The following LHFPL6 variants were observed in gnomAD, a reference collection of about 807,000 sequenced individuals.
The protein encoded by LHFPL6 is LHFPL tetraspan subfamily member 6, also known as LHFPL tetraspan subfamily member 6 protein.
LHFPL6 carries 9 observed loss-of-function variants against 20.6 expected under a neutral mutation model. That is an observed-to-expected ratio of 0.44 (90% CI 0.26 to 0.76). The LOEUF (loss-of-function observed/expected upper bound fraction) is 0.76. Ranked by LOEUF, LHFPL6 falls within the 30% of genes least tolerant of loss-of-function variation. The pLI is 0.20. For missense variants in LHFPL6, 218 were observed against 253.5 expected, an observed-to-expected ratio of 0.86 and a Z score of 0.95; for synonymous variants, 105 against 98.7, an observed-to-expected ratio of 1.06 and a Z score of -0.38.
intron 2 of LHFPL6, among the ~76,000 whole-genome samples, chr13:39,475,557 G>A (rs111931787): frequency 4.3e-4 from 65 of 152,188 alleles, no homozygotes; most frequent in African/African-American, 1.4e-3. Context: ...GGATGCTGTG[G>A]TAGCAGCACA....
intron 2 of LHFPL6, among the ~76,000 whole-genome samples, chr13:39,528,413 G>A (rs146295292): frequency 6.6e-6 from 1 of 152,148 alleles, no homozygotes; most frequent in Non-Finnish European, 1.5e-5. Flanking sequence ...ACCTCCTAGA[G>A]AATTTAAAAG....
chr13:39,530,962 C>T (rs1870448008), intron 2 of LHFPL6, among the ~76,000 whole-genome samples: 1 of 151,730 alleles, frequency 6.6e-6, no homozygotes, highest in Non-Finnish European at 1.5e-5. Flanking sequence ...CTACCTCCAG[C>T]TTGCTACAGA....
At chr13:39,562,407 C>CATAT (rs1401360857) in intron 2 of LHFPL6, among the ~76,000 whole-genome samples, 45 of 70,188 alleles carry the variant, frequency 6.4e-4, no homozygotes, top group South Asian at 3.9e-3. Flanking sequence ...TACATATATA[C>CATAT]ACATATACAC....
In LHFPL6 at chr13:39,454,882, T is replaced by C. The variant is rs929320699; in HGVS notation, c.386-76356A>G. On this transcript the variant is annotated intron_variant, in intron 2 of 3. Coordinates refer to ENST00000379589, the MANE Select transcript of LHFPL6 (RefSeq NM_005780.3). ...ATCCAATAGGTCACAATGCATATAATTGCTGACATTTTAAATGCATCTGGA... is the reference window on the plus strand; with the variant it reads ...ATCCAATAGGTCACAATGCATATAACTGCTGACATTTTAAATGCATCTGGA... 1.6e-4 allele frequency among the ~76,000 whole-genome samples: 25 copies of C among 152,358 alleles called. No homozygotes were observed. The South Asian group carries it at 1.7e-3, about 10-fold the overall frequency.
At chr13:39,482,644 A>G (rs779894743) in intron 2 of LHFPL6, among the ~76,000 whole-genome samples, 8 of 152,174 alleles carry the variant, frequency 5.3e-5, no homozygotes, top group Non-Finnish European at 1.2e-4. Flanking sequence ...AGAATTAACT[A>G]CTGGATTTGG....
At chr13:39,465,858 T>C (rs1250202405) in intron 2 of LHFPL6, among the ~76,000 whole-genome samples, 1 of 152,018 alleles carries the variant, frequency 6.6e-6, no homozygotes, top group Admixed American at 6.6e-5. Flanking sequence ...CAAAAGAGTC[T>C]AGCAGCAGCT....
intron 2 of LHFPL6, among the ~76,000 whole-genome samples, chr13:39,409,393 G>A (rs190562376): frequency 6.6e-6 from 1 of 152,260 alleles, no homozygotes; most frequent in Non-Finnish European, 1.5e-5. Flanking sequence ...GGTGGAGGTT[G>A]CAGTGAGCTG....
intron 2 of LHFPL6, among the ~76,000 whole-genome samples, chr13:39,481,005 A>T (rs1299486430): frequency 1.3e-5 from 2 of 152,258 alleles, no homozygotes; most frequent in African/African-American, 2.4e-5. Flanking sequence ...TTATATATTT[A>T]TAAGTCTACA....
chr13:39,352,952 T>TAC (rs1566091695), intron 3 of LHFPL6, among the ~76,000 whole-genome samples: 8 of 75,162 alleles, frequency 1.1e-4, no homozygotes, highest in Non-Finnish European at 2.0e-4. Flanking sequence ...TATATATATA[T>TAC]ACATACATAC....
chr13:39,531,785 A>G (rs1334628130), intron 2 of LHFPL6, among the ~76,000 whole-genome samples: 1 of 152,156 alleles, frequency 6.6e-6, no homozygotes, highest in Non-Finnish European at 1.5e-5. Flanking sequence ...GATAAATATC[A>G]TATTACAGAA....
chr13:39,374,512 G>T (rs938523800), intron 3 of LHFPL6, among the ~76,000 whole-genome samples: 1 of 151,692 alleles, frequency 6.6e-6, no homozygotes. Flanking sequence ...ACTTGCACAT[G>T]TACCCACTGA....
intron 2 of LHFPL6, among the ~76,000 whole-genome samples, chr13:39,437,560 A>AT (rs1404197418): frequency 6.6e-6 from 1 of 152,124 alleles, no homozygotes; most frequent in Middle Eastern, 3.2e-3. Context: ...CCAATGAAAT[A>AT]TTTTTTCTTA....
intron 2 of LHFPL6, among the ~76,000 whole-genome samples, chr13:39,426,423 T>A (rs144210731): frequency 0.018 from 2,770 of 152,162 alleles, 80 homozygotes; most frequent in African/African-American, 0.063. Flanking sequence ...TTTCTTCATG[T>A]TGGTCAGGCT....
chr13:39,343,828 G>T lies in LHFPL6; in HGVS notation c.*108C>A. On this transcript the variant is annotated 3_prime_UTR_variant, in exon 4 of 4. Transcript: ENST00000379589. Reference sequence around the variant, plus strand: ...TATCGGGTTTCATTTTATTAGCATTGTATTGGATTAGAACTACTATCCCAC... The same window carrying T: ...TATCGGGTTTCATTTTATTAGCATTTTATTGGATTAGAACTACTATCCCAC... The T allele has an allele frequency of 7.4e-6, 5 of 678,928 alleles. No individual in the cohort carries two copies. The highest frequency in any genetic ancestry group is 2.2e-5 in the South Asian group (1 of 44,924). The allele number at this position is 678,928 out of a possible 1,614,324, so 42.1% of individuals were successfully genotyped here. A position where few individuals can be genotyped will look rare whatever the true frequency, so the allele number is the denominator to read the frequency against.
At chr13:39,528,435 C>A (rs1870360546) in intron 2 of LHFPL6, among the ~76,000 whole-genome samples, 1 of 152,126 alleles carries the variant, frequency 6.6e-6, no homozygotes, top group African/African-American at 2.4e-5. Context: ...AGCCTGGAGA[C>A]CCCAAAGAGG....
At chr13:39,543,003 ACATGAACTC>A (rs1420396529) in intron 2 of LHFPL6, among the ~76,000 whole-genome samples, 3 of 152,144 alleles carry the variant, frequency 2.0e-5, no homozygotes, top group Non-Finnish European at 4.4e-5. Flanking sequence ...TACCAGTTAA[ACATGAACTC>A]CAAGTTCCCC....
chr13:39,508,049 C>T (rs1247037429), intron 2 of LHFPL6, among the ~76,000 whole-genome samples: 1 of 149,114 alleles, frequency 6.7e-6, no homozygotes, highest in Admixed American at 6.7e-5. Flanking sequence ...GAGGCAGAGT[C>T]ACGCTCTGTT....
chr13:39,489,709 T>C (rs1036627860), intron 2 of LHFPL6, among the ~76,000 whole-genome samples: 7 of 151,908 alleles, frequency 4.6e-5, no homozygotes, highest in Non-Finnish European at 8.8e-5. Flanking sequence ...CGCACCACCA[T>C]GCCCGGCTAA....
intron 2 of LHFPL6, among the ~76,000 whole-genome samples, chr13:39,431,092 T>G (rs1460069903): frequency 6.6e-6 from 1 of 152,002 alleles, no homozygotes; most frequent in Non-Finnish European, 1.5e-5. Context: ...CACGCCACCT[T>G]TAAGAGCTAT....
Sources: gnomAD v4.1 joint callset for allele counts (sites outside exome capture counted in the v4.1 genomes callset) on GRCh38, gnomAD v4.1.1 for gene constraint, MANE v1.5 for transcripts, NCBI Gene and HGNC (gene_info 2026-07-23, HGNC 2026-07-21) for gene names.